Variants in XKR6 observed in about 807,000 individuals in gnomAD.
The protein encoded by XKR6 is XK-related protein 6.
Under a neutral mutation model 56.7 loss-of-function variants are expected in XKR6, and 22 were observed. That is an observed-to-expected ratio of 0.39 (90% confidence interval 0.28 to 0.55). XKR6 has a LOEUF of 0.55. Among genes scored for constraint, XKR6 ranks in the 20% least tolerant of loss-of-function variants. XKR6 has a pLI of 0.66. For synonymous variants in XKR6, 524 were observed against 387.8 expected, an observed-to-expected ratio of 1.35 and a Z score of -4.13; for missense variants, 852 against 889.0, an observed-to-expected ratio of 0.96 and a Z score of 0.53.
chr8:10,942,469 T>TCCTGCTCCCAGGACTG lies in XKR6; in HGVS notation c.765-17655_765-17640dup, dbSNP rs1563301763. ...TGCTTCCCCTCCTGCTCCCAGGACT[T>TCCTGCTCCCAGGACTG]CCTGCTCCCAGGACTGCCTGCTCCC... On this transcript the variant is annotated intron_variant, in intron 1 of 2. Transcript: ENST00000416569. 5.9e-5 allele frequency among the ~76,000 whole-genome samples: 9 copies of TCCTGCTCCCAGGACTG among 152,258 alleles called. No homozygotes were observed. In the South Asian group the frequency reaches 8.3e-4, roughly 14 times the overall value.
intron 1 of XKR6, chr8:11,174,942 CT>C (rs1802581633): frequency 6.6e-6 from 1 of 152,198 alleles, no homozygotes; most frequent in South Asian, 2.1e-4. Flanking sequence ...CCCTTTTCCT[CT>C]TTCTAGGACA....
intron 1 of XKR6, among the ~76,000 whole-genome samples, chr8:10,983,042 AAT>A (rs1797770411): frequency 6.6e-6 from 1 of 152,262 alleles, no homozygotes; most frequent in South Asian, 2.1e-4. Context: ...CAGATGAAAG[AAT>A]ATATGAAAAC....
At chr8:11,008,452 G>A (rs1039298554) in intron 1 of XKR6, among the ~76,000 whole-genome samples, 1 of 120,150 alleles carries the variant, frequency 8.3e-6, no homozygotes, top group African/African-American at 3.5e-5. Flanking sequence ...ACAGGGTCTC[G>A]CTTTGTCACC....
intron 1 of XKR6, among the ~76,000 whole-genome samples, chr8:11,029,282 T>G (rs1798938891): frequency 6.6e-6 from 1 of 152,226 alleles, no homozygotes; most frequent in Admixed American, 6.5e-5. Flanking sequence ...CTCTGAATGC[T>G]GTCATCAGTT....
intron 1 of XKR6, among the ~76,000 whole-genome samples, chr8:11,019,930 G>A (rs972358296): frequency 1.2e-4 from 18 of 152,136 alleles, no homozygotes; most frequent in African/African-American, 4.1e-4. Context: ...GCAGAGAGGC[G>A]GCAGGCTATA....
intron 1 of XKR6, among the ~76,000 whole-genome samples, chr8:10,994,800 C>A (rs74642350): frequency 0.034 from 5,250 of 152,244 alleles, 297 homozygotes; most frequent in African/African-American, 0.12. Flanking sequence ...ACAATACAGC[C>A]AGAATGCAAA....
chr8:11,178,604 A>T (rs111466916), intron 1 of XKR6, among the ~76,000 whole-genome samples: 182 of 120,798 alleles, frequency 1.5e-3, no homozygotes, highest in Admixed American at 4.5e-3. Context: ...CACACACACA[A>T]ATATATATAT....
chr8:11,139,733 G>A (rs929707404), intron 1 of XKR6, among the ~76,000 whole-genome samples: 3 of 152,172 alleles, frequency 2.0e-5, no homozygotes, highest in Non-Finnish European at 2.9e-5. Context: ...ACAGCCGAAG[G>A]GGCTGTAACA....
Position 11,201,067 on chromosome 8 carries a change from C to A in XKR6, c.273G>T (p.Gly91=), listed in dbSNP as rs1804200352. The A allele has an allele frequency of 2.3e-6, 3 of 1,316,324 alleles. No homozygotes were observed. Among genetic ancestry groups the A allele is most frequent in the Non-Finnish European group, 2.9e-6 (3 of 1,035,518 alleles). The allele number at this position is 1,316,324 out of a possible 1,614,324, so 81.5% of individuals were successfully genotyped here. A position where few individuals can be genotyped will look rare whatever the true frequency, so the allele number is the denominator to read the frequency against. The stretch of plus-strand genomic sequence containing the variant: ...CCGCGGGAGGCTGCAGCGGCTGGTC[C>A]CCCCCGTCGGCGGCGGCGCTGCGGC... ...KPRRSAAADG[G]DQPLQPPAAP... The change falls in exon 1 of 3, where the codon GGG becomes GGT. Residue 91 remains glycine, a synonymous_variant. Coordinates refer to ENST00000416569, the MANE Select transcript of XKR6 (RefSeq NM_173683.4).
intron 1 of XKR6, among the ~76,000 whole-genome samples, chr8:11,047,178 G>A (rs992304007): frequency 6.6e-6 from 1 of 152,084 alleles, no homozygotes; most frequent in African/African-American, 2.4e-5. Flanking sequence ...ACTATGCGAG[G>A]GGAAGCTACA....
intron 1 of XKR6, among the ~76,000 whole-genome samples, chr8:10,937,546 T>C (rs1305203059): frequency 6.7e-6 from 1 of 148,314 alleles, no homozygotes; most frequent in Non-Finnish European, 1.5e-5. Flanking sequence ...CTACTTTTGG[T>C]CTTTGATGAT....
intron 1 of XKR6, among the ~76,000 whole-genome samples, chr8:11,173,700 C>T (rs2117055836): frequency 6.6e-6 from 1 of 152,254 alleles, no homozygotes; most frequent in South Asian, 2.1e-4. Context: ...TCCAATTACA[C>T]CTGGACAGCA....
chr8:10,915,175 C>A (rs1800523764), intron 2 of XKR6, among the ~76,000 whole-genome samples: 1 of 152,268 alleles, frequency 6.6e-6, no homozygotes, highest in Non-Finnish European at 1.5e-5. Context: ...TCTCTCTACA[C>A]AAAGCAGAAG....
intron 1 of XKR6, among the ~76,000 whole-genome samples, chr8:11,035,550 T>C (rs561173756): frequency 6.6e-5 from 10 of 152,288 alleles, no homozygotes; most frequent in African/African-American, 2.4e-4. Context: ...TAAGAGCAAG[T>C]TCTGCTCTGC....
rs566001112 is a variant in XKR6, at chr8:11,039,787, C to T, written c.765-114957G>A. On this transcript the variant is annotated intron_variant, in intron 1 of 2. Transcript: ENST00000416569. ...CAAATGAATAAGTGCACGTCCCGGC[C>T]CTACCTGGGCATACAGCCCCCACCT... is the stretch of plus-strand genomic sequence containing the variant. 3.9e-5 allele frequency among the ~76,000 whole-genome samples: 6 copies of T among 152,318 alleles called. No individual in the cohort carries two copies. The East Asian group carries it at 1.2e-3, about 29-fold the overall frequency.
chr8:11,060,534 T>C (rs920279674), intron 1 of XKR6, among the ~76,000 whole-genome samples: 4 of 152,198 alleles, frequency 2.6e-5, no homozygotes, highest in African/African-American at 9.6e-5. Flanking sequence ...AGGGACTCGT[T>C]TCTACATGAT....
At chr8:11,032,330 C>A (rs534685608) in intron 1 of XKR6, among the ~76,000 whole-genome samples, 2 of 151,994 alleles carry the variant, frequency 1.3e-5, no homozygotes, top group Non-Finnish European at 2.9e-5. Flanking sequence ...ATGTGTTGCC[C>A]GAAAATGGCA....
At chr8:11,018,632 A>C (rs1471994114) in intron 1 of XKR6, among the ~76,000 whole-genome samples, 2 of 152,216 alleles carry the variant, frequency 1.3e-5, no homozygotes, top group Non-Finnish European at 2.9e-5. Context: ...TTGAGAATGC[A>C]CTTGGGAGGG....
intron 1 of XKR6, among the ~76,000 whole-genome samples, chr8:11,012,673 A>G (rs1489623251): frequency 7.4e-6 from 1 of 134,952 alleles, no homozygotes; most frequent in African/African-American, 2.9e-5. Flanking sequence ...CTTTTCCTCC[A>G]ATCTGCATCC....
Sources: allele counts gnomAD v4.1 joint callset (sites outside exome capture counted in the v4.1 genomes callset), GRCh38; gene constraint gnomAD v4.1.1; transcripts MANE v1.5; gene names NCBI Gene and HGNC (gene_info 2026-07-23, HGNC 2026-07-21).